The following PCNP variants were observed in gnomAD, a reference collection of about 807,000 sequenced individuals.
The protein encoded by PCNP is PEST proteolytic signal-containing nuclear protein.
PCNP carries 6 observed loss-of-function variants against 21.8 expected under a neutral mutation model. The ratio of observed to expected loss-of-function variants is 0.28; its 90% confidence interval spans 0.15 to 0.54. PCNP has a LOEUF of 0.54. PCNP is among the 20% of genes least tolerant of loss of function. PCNP has a pLI of 0.95. For synonymous variants in PCNP, 67 were observed against 73.2 expected (o/e 0.92, Z 0.43); for missense variants, 161 against 215.5 (o/e 0.75, Z 1.58).
chr3:101,586,622 T>TTTCTTGTTTCAGAGAGAGAGAGACAGAGA (rs1935541759), intron 3 of PCNP, among the ~76,000 whole-genome samples: 1 of 134,488 alleles, frequency 7.4e-6, no homozygotes, highest in Admixed American at 7.5e-5. Flanking sequence ...AGAGAGAGAG[T>TTTCTTGTTTCAGAGAGAGAGAGACAGAGA]GTGTCTTGCT....
At chr3:101,578,676 A>G (rs953076841) in intron 1 of PCNP, among the ~76,000 whole-genome samples, 18 of 152,224 alleles carry the variant, frequency 1.2e-4, no homozygotes, top group Non-Finnish European at 2.1e-4. Context: ...CCAAAACTGT[A>G]TAGATCTATA....
At chr3:101,578,915 T>G (rs1935075394) in intron 1 of PCNP, among the ~76,000 whole-genome samples, 1 of 152,204 alleles carries the variant, frequency 6.6e-6, no homozygotes, top group South Asian at 2.1e-4. Context: ...TCAGCCAGCC[T>G]TCTTCTGTCT....
In PCNP at chr3:101,582,928, C is replaced by T. The variant is rs80224267; in HGVS notation, c.280-2509C>T. On this transcript the variant is annotated intron_variant, in intron 2 of 4. Coordinates refer to ENST00000265260, the MANE Select transcript of PCNP (RefSeq NM_020357.3). ...GCCCCCAAAATTAAGACCATGAGAC[C>T]GAATTTAAGGGCTTGTATTCCATAA... Among the ~76,000 whole-genome samples the T allele has an allele frequency of 3.8e-3, 574 of 152,240 alleles. 2 individuals carry two copies. The highest frequency in any genetic ancestry group is 0.013 in the African/African-American group (551 of 41,532).
At chr3:101,584,055 A>G (rs1935369986) in intron 2 of PCNP, among the ~76,000 whole-genome samples, 1 of 152,058 alleles carries the variant, frequency 6.6e-6, no homozygotes, top group Non-Finnish European at 1.5e-5. Context: ...CAGAGGGAGA[A>G]TTAAGTTTAC....
intron 1 of PCNP, among the ~76,000 whole-genome samples, chr3:101,577,245 T>G (rs1377229823): frequency 6.6e-6 from 1 of 152,190 alleles, no homozygotes; most frequent in Non-Finnish European, 1.5e-5. Flanking sequence ...CTGTTTGAAA[T>G]AATGTTAGGA....
chr3:101,585,195 C>G (rs1380010730), intron 2 of PCNP, among the ~76,000 whole-genome samples: 3 of 152,096 alleles, frequency 2.0e-5, no homozygotes, highest in Non-Finnish European at 4.4e-5. Context: ...TAGATCCTAA[C>G]TAGAAAATCT....
At chr3:101,582,771 A>G (rs1935292338) in intron 2 of PCNP, among the ~76,000 whole-genome samples, 1 of 152,204 alleles carries the variant, frequency 6.6e-6, no homozygotes, top group Non-Finnish European at 1.5e-5. Context: ...GTGATCTTTG[A>G]GTTGGACTTA....
intron 3 of PCNP, among the ~76,000 whole-genome samples, chr3:101,588,822 T>C (rs1935664121): frequency 6.6e-6 from 1 of 152,252 alleles, no homozygotes; most frequent in Admixed American, 6.5e-5. Context: ...GATGCCAAGT[T>C]ATCAGTGTGT....
intron 1 of PCNP, among the ~76,000 whole-genome samples, chr3:101,578,988 T>G (rs1935081284): frequency 6.6e-6 from 1 of 152,226 alleles, no homozygotes; most frequent in Non-Finnish European, 1.5e-5. Flanking sequence ...GTGAACTAAT[T>G]TCATCATTGA....
At chr3:101,580,797 A>G (rs550136871) in intron 2 of PCNP, among the ~76,000 whole-genome samples, 1 of 152,358 alleles carries the variant, frequency 6.6e-6, no homozygotes, top group South Asian at 2.1e-4. Context: ...CTGACCTATA[A>G]TATGAAAATT....
At position 101,590,316 on chromosome 3, in the gene PCNP, T is replaced by G. The variant is rs775632482; in HGVS notation, c.410+46T>G. On this transcript the variant is annotated intron_variant, in intron 4 of 4. Coordinates refer to ENST00000265260, the MANE Select transcript of PCNP (RefSeq NM_020357.3). The stretch of plus-strand genomic sequence containing the variant: ...TATTATAGAAAGATACAAAGGTGAA[T>G]TAACAAAAATAACTTGCACATGATT... 12 of 982,126 alleles carry G rather than the reference T, an allele frequency of 1.2e-5. No individual in the cohort carries two copies. In the South Asian group the frequency reaches 1.7e-4, roughly 14 times the overall value. 60.8% of individuals were successfully genotyped at this position (982,126 alleles called of 1,614,324 possible).
intron 4 of PCNP, among the ~76,000 whole-genome samples, chr3:101,591,252 T>C (rs555808647): frequency 2.0e-5 from 3 of 152,358 alleles, no homozygotes; most frequent in South Asian, 4.1e-4. Context: ...TTTCCTGTCT[T>C]TGTGTGCATT....
At chr3:101,592,525 G>T in intron 4 of PCNP, 102 bp from the exon 5 acceptor site, 1 of 917,418 alleles carries the variant, frequency 1.1e-6, no homozygotes, top group Non-Finnish European at 1.6e-6. Context: ...TTCAGTCTGT[G>T]TTTATAATAG....
intron 3 of PCNP, among the ~76,000 whole-genome samples, chr3:101,585,743 A>G (rs1181083396): frequency 6.6e-6 from 1 of 152,170 alleles, no homozygotes; most frequent in East Asian, 1.9e-4. Context: ...GAAATCAGCA[A>G]ATGTTTATTA....
chr3:101,589,199 A>T (rs931116430), intron 3 of PCNP, among the ~76,000 whole-genome samples: 1 of 152,158 alleles, frequency 6.6e-6, no homozygotes, highest in African/African-American at 2.4e-5. Flanking sequence ...TCAAGTGTAT[A>T]CTCATGGAAT....
Position 101,579,923 on chromosome 3 carries a change from A to G in PCNP, c.198A>G (p.Thr66=), listed in dbSNP as rs1170998162. The change falls in exon 2 of 5, where the codon ACA becomes ACG. Residue 66 remains threonine, a synonymous_variant. Coordinates refer to ENST00000265260, the MANE Select transcript of PCNP (RefSeq NM_020357.3). ...EEAADLPTKP[T]KISKFGFAIG... ...CTGCCGACCTCCCAACAAAGCCTAC[A>G]AAGATCTCCAAGTTTGGATTTGCCA... 1 of 1,614,114 alleles carries G rather than the reference A, an allele frequency of 6.2e-7. No homozygotes were observed.
chr3:101,576,800 T>C, intron 1 of PCNP: 2 of 1,610,402 alleles, frequency 1.2e-6, no homozygotes, highest in African/African-American at 1.3e-5. Context: ...GTGAGGTCAG[T>C]GTCTGCTTTC....
chr3:101,576,887 C>T (rs762963671), intron 1 of PCNP: 2 of 1,606,758 alleles, frequency 1.2e-6, no homozygotes, highest in East Asian at 2.2e-5. Flanking sequence ...CGCTGCCCAT[C>T]GATGTTGGTG....
intron 4 of PCNP, 91 bp from the exon 5 acceptor site, chr3:101,592,536 G>A (rs1305235387): frequency 9.9e-7 from 1 of 1,005,584 alleles, no homozygotes; most frequent in Non-Finnish European, 1.5e-6. Flanking sequence ...TTTATAATAG[G>A]TGCTAAACAA....
Sources: gnomAD v4.1 joint callset for allele counts (sites outside exome capture counted in the v4.1 genomes callset) on GRCh38, gnomAD v4.1.1 for gene constraint, MANE v1.5 for transcripts, NCBI Gene and HGNC (gene_info 2026-07-23, HGNC 2026-07-21) for gene names.